PCDH9: variants seen among roughly 807,000 people sequenced by gnomAD.
PCDH9 encodes protocadherin-9.
In PCDH9, 24 loss-of-function variants were observed where a neutral mutation model predicts 70.6. That is an observed-to-expected ratio of 0.34 (90% confidence interval 0.25 to 0.48). The LOEUF is 0.48. Among genes scored for constraint, PCDH9 ranks in the 20% least tolerant of loss-of-function variants. The pLI, the probability that PCDH9 is intolerant of heterozygous loss-of-function variation, is 0.99. For missense variants in PCDH9, 1,281 were observed against 1,503.6 expected (o/e 0.85, Z 2.45); for synonymous variants, 562 against 558.5 (o/e 1.01, Z -0.09).
chr13:66,677,455 C>A (rs1328442049), intron 3 of PCDH9, among the ~76,000 whole-genome samples: 1 of 151,842 alleles, frequency 6.6e-6, no homozygotes, highest in South Asian at 2.1e-4. Context: ...TTGTCCCCAC[C>A]CAAATCTCAT....
At chr13:67,000,508 C>T (rs1385370527) in intron 2 of PCDH9, among the ~76,000 whole-genome samples, 1 of 150,050 alleles carries the variant, frequency 6.7e-6, no homozygotes, top group Non-Finnish European at 1.5e-5. Context: ...AAAAAAAAGA[C>T]TTTATAGAAA....
chr13:66,765,515 T>C (rs1272092451), intron 3 of PCDH9, among the ~76,000 whole-genome samples: 1 of 152,038 alleles, frequency 6.6e-6, no homozygotes. Context: ...AGATGTCTAA[T>C]ACGAGATAAA....
chr13:66,860,903 A>T (rs2081471710), intron 3 of PCDH9, among the ~76,000 whole-genome samples: 1 of 152,228 alleles, frequency 6.6e-6, no homozygotes, highest in Non-Finnish European at 1.5e-5. Flanking sequence ...AATATCAGGC[A>T]TGAAAAGCTA....
At chr13:66,959,207 G>A (rs1032380371) in intron 2 of PCDH9, among the ~76,000 whole-genome samples, 14 of 152,214 alleles carry the variant, frequency 9.2e-5, no homozygotes, top group African/African-American at 3.4e-4. Context: ...ATTACATGAA[G>A]CACATATAAG....
intron 4 of PCDH9, among the ~76,000 whole-genome samples, chr13:66,361,397 CA>C (rs1956468462): frequency 6.6e-6 from 1 of 152,000 alleles, no homozygotes. Context: ...AATTTTAATG[CA>C]AATATATCCA....
chr13:66,913,064 C>A (rs923297228), intron 2 of PCDH9, among the ~76,000 whole-genome samples: 54 of 152,024 alleles, frequency 3.6e-4, no homozygotes, highest in Non-Finnish European at 1.3e-4. Context: ...TTCGGAGATT[C>A]AAATCTGGCA....
At chr13:66,620,919 C>T (rs545299269) in intron 4 of PCDH9, among the ~76,000 whole-genome samples, 4 of 152,212 alleles carry the variant, frequency 2.6e-5, no homozygotes, top group African/African-American at 9.6e-5. Context: ...CCAAACCTAA[C>T]GTACTACCTA....
At chr13:66,781,105 G>T (rs2079991227) in intron 3 of PCDH9, among the ~76,000 whole-genome samples, 1 of 152,082 alleles carries the variant, frequency 6.6e-6, no homozygotes, top group African/African-American at 2.4e-5. Context: ...CTATAGTTAT[G>T]ACTTTTCCTG....
intron 4 of PCDH9, among the ~76,000 whole-genome samples, chr13:66,497,819 T>C (rs1959140232): frequency 6.9e-6 from 1 of 145,904 alleles, no homozygotes; most frequent in Admixed American, 6.8e-5. Flanking sequence ...TCTTACTTTT[T>C]TTTTTTTTTT....
chr13:66,983,457 TA>T (rs1316914446), intron 2 of PCDH9, among the ~76,000 whole-genome samples: 3 of 151,850 alleles, frequency 2.0e-5, no homozygotes, highest in Non-Finnish European at 4.4e-5. Context: ...TGAAAAAAAA[TA>T]AAAGGAGAAA....
intron 4 of PCDH9, among the ~76,000 whole-genome samples, chr13:66,561,200 C>A (rs970645226): frequency 1.3e-5 from 2 of 152,336 alleles, no homozygotes; most frequent in Non-Finnish European, 2.9e-5. Context: ...AGGGGCTTAG[C>A]GCCTGGGCCA....
chr13:66,648,696 T>A (rs901720536), intron 3 of PCDH9, among the ~76,000 whole-genome samples: 2 of 151,668 alleles, frequency 1.3e-5, no homozygotes, highest in African/African-American at 4.9e-5. Context: ...ATCAAGACCA[T>A]CCAAGAAAAT....
At chr13:66,720,893 G>A (rs1462812967) in intron 3 of PCDH9, among the ~76,000 whole-genome samples, 3 of 152,116 alleles carry the variant, frequency 2.0e-5, no homozygotes, top group East Asian at 1.9e-4. Context: ...AAATGGAATC[G>A]TGGGTATACG....
intron 4 of PCDH9, among the ~76,000 whole-genome samples, chr13:66,501,293 ACT>A (rs1424207119): frequency 6.6e-6 from 1 of 152,068 alleles, no homozygotes; most frequent in African/African-American, 2.4e-5. Flanking sequence ...CATGAACATC[ACT>A]GTTTTACATA....
chr13:66,954,105 A>T (rs2083229080), intron 2 of PCDH9, among the ~76,000 whole-genome samples: 2 of 152,206 alleles, frequency 1.3e-5, no homozygotes, highest in South Asian at 4.1e-4. Flanking sequence ...GGGCAATAAC[A>T]TCTACCAAGT....
chr13:66,864,078 C>T (rs749796428), intron 3 of PCDH9, among the ~76,000 whole-genome samples: 3 of 152,020 alleles, frequency 2.0e-5, no homozygotes, highest in African/African-American at 4.8e-5. Flanking sequence ...TTACCTATCA[C>T]GGAGGTAACT....
Position 66,608,491 on chromosome 13 carries a change from A to G in PCDH9, c.3340+22719T>C, listed in dbSNP as rs548462531. On this transcript the variant is annotated intron_variant, in intron 4 of 4. Coordinates refer to ENST00000377865, the MANE Select transcript of PCDH9 (RefSeq NM_203487.3). Reference sequence around the variant, plus strand: ...AGTTTGGTTTTATATTGGTATAAAGAGGCAGCATTATAGTTAACATTTTGT... The same window carrying G: ...AGTTTGGTTTTATATTGGTATAAAGGGGCAGCATTATAGTTAACATTTTGT... Among the ~76,000 whole-genome samples the G allele has an allele frequency of 3.3e-5, 5 of 152,276 alleles. No individual in the cohort carries two copies. In the East Asian group the frequency reaches 9.6e-4, roughly 29 times the overall value.
intron 4 of PCDH9, among the ~76,000 whole-genome samples, chr13:66,499,434 C>T (rs1458342111): frequency 6.6e-6 from 1 of 151,970 alleles, no homozygotes; most frequent in Non-Finnish European, 1.5e-5. Flanking sequence ...ATATAAAAAA[C>T]ATTGTTCTGA....
At chr13:66,811,554 G>A (rs2080504868) in intron 3 of PCDH9, among the ~76,000 whole-genome samples, 1 of 151,854 alleles carries the variant, frequency 6.6e-6, no homozygotes. Flanking sequence ...TCAATTTCAA[G>A]TTTGATTCAT....
Sources: allele counts gnomAD v4.1 joint callset (sites outside exome capture counted in the v4.1 genomes callset), GRCh38; gene constraint gnomAD v4.1.1; transcripts MANE v1.5; gene names NCBI Gene and HGNC (gene_info 2026-07-23, HGNC 2026-07-21).